Variants in CPNE4 observed in about 807,000 individuals in gnomAD.
CPNE4 encodes the protein copine 4.
Under a neutral mutation model 67.9 loss-of-function variants are expected in CPNE4, and 25 were observed. The ratio of observed to expected loss-of-function variants is 0.37; its 90% confidence interval spans 0.27 to 0.51. The LOEUF (loss-of-function observed/expected upper bound fraction) is 0.51, where lower values mean the gene tolerates loss of function less well. Ranked by LOEUF, CPNE4 falls within the 20% of genes least tolerant of loss-of-function variation. The pLI is 0.93. For synonymous variants in CPNE4, 242 were observed against 244.9 expected, an observed-to-expected ratio of 0.99 and a Z score of 0.11; for missense variants, 464 against 690.8, an observed-to-expected ratio of 0.67 and a Z score of 3.68.
At chr3:131,686,446 T>A (rs1205657565) in intron 5 of CPNE4, among the ~76,000 whole-genome samples, 1 of 152,254 alleles carries the variant, frequency 6.6e-6, no homozygotes, top group Non-Finnish European at 1.5e-5. Flanking sequence ...TAATTTTTTA[T>A]TAAATAGTAG....
At chr3:131,568,401 A>G (rs1937168352) in intron 10 of CPNE4, among the ~76,000 whole-genome samples, 1 of 152,056 alleles carries the variant, frequency 6.6e-6, no homozygotes. Context: ...AAGTTGAGAA[A>G]TAAAAGCAAG....
chr3:131,613,746 T>G (rs941177127), intron 7 of CPNE4, among the ~76,000 whole-genome samples: 10 of 152,130 alleles, frequency 6.6e-5, no homozygotes, highest in African/African-American at 2.4e-4. Flanking sequence ...ACCTCATCAC[T>G]GCTAAACAGA....
intron 1 of CPNE4, among the ~76,000 whole-genome samples, chr3:131,962,554 G>C (rs2072213955): frequency 6.6e-6 from 1 of 152,170 alleles, no homozygotes; most frequent in Admixed American, 6.5e-5. Context: ...ACTATATCTT[G>C]AATGTTCCTT....
chr3:131,952,121 T>C (rs1225009), intron 1 of CPNE4, among the ~76,000 whole-genome samples: 100,014 of 140,980 alleles, frequency 0.71, 35,112 homozygotes, highest in Admixed American at 0.81. Flanking sequence ...AAGTGAGGAG[T>C]GCCTCTTCCC....
chr3:131,536,039 C>T lies in CPNE4; in HGVS notation c.1540-710G>A, dbSNP rs150512867. ...AAGGGGTAGGGGAATGGCATTTGAC[C>T]ATCATAGGCATAGTGAGTTACCTGA... On this transcript the variant is annotated intron_variant, in intron 15 of 15. Transcript: ENST00000429747. 3.0e-4 allele frequency among the ~76,000 whole-genome samples: 46 copies of T among 152,060 alleles called. No homozygotes were observed. The East Asian group carries it at 6.9e-3, about 23-fold the overall frequency.
chr3:131,799,922 T>TGTGTGTGTG (rs1560339411), intron 2 of CPNE4, among the ~76,000 whole-genome samples: 44 of 2,464 alleles, frequency 0.018, no homozygotes, highest in African/African-American at 0.036. Context: ...GTGTGTGTTG[T>TGTGTGTGTG]GTGTGTGTGT....
chr3:131,851,484 C>G (rs1278983336), intron 2 of CPNE4, among the ~76,000 whole-genome samples: 2 of 151,958 alleles, frequency 1.3e-5, no homozygotes, highest in African/African-American at 2.4e-5. Context: ...ATCATACACA[C>G]AGAAAGGTTC....
intron 2 of CPNE4, among the ~76,000 whole-genome samples, chr3:131,849,327 G>C (rs562531607): frequency 6.6e-6 from 1 of 152,166 alleles, no homozygotes; most frequent in Non-Finnish European, 1.5e-5. Flanking sequence ...AGATTTAATT[G>C]GCTCACAGTT....
intron 15 of CPNE4, among the ~76,000 whole-genome samples, chr3:131,535,728 A>C (rs1165474815): frequency 6.6e-6 from 1 of 152,194 alleles, no homozygotes; most frequent in South Asian, 2.1e-4. Flanking sequence ...GGCATGGCCA[A>C]TATTAACTAT....
At chr3:131,764,277 G>GAA (rs11378336) in intron 2 of CPNE4, among the ~76,000 whole-genome samples, 79 of 148,746 alleles carry the variant, frequency 5.3e-4, no homozygotes, top group South Asian at 8.5e-4. Flanking sequence ...TGTTTTATAG[G>GAA]AAAAAAAAAA....
chr3:131,955,411 T>TTTTTTTTTTTGTTTTTTTTTTG (rs1491155702), intron 1 of CPNE4, among the ~76,000 whole-genome samples: 2 of 78,814 alleles, frequency 2.5e-5, no homozygotes, highest in African/African-American at 1.7e-4. Flanking sequence ...GTATGTAAGG[T>TTTTTTTTTTTGTTTTTTTTTTG]TTTTTTTTTT....
chr3:131,726,046 A>G (rs900021288), intron 2 of CPNE4, among the ~76,000 whole-genome samples: 1 of 152,234 alleles, frequency 6.6e-6, no homozygotes, highest in Non-Finnish European at 1.5e-5. Flanking sequence ...AATAACCCCA[A>G]GAAGTATGCT....
chr3:131,800,245 C>T (rs1336752232), intron 2 of CPNE4, among the ~76,000 whole-genome samples: 1 of 152,096 alleles, frequency 6.6e-6, no homozygotes, highest in African/African-American at 2.4e-5. Flanking sequence ...TGCCTGAAAA[C>T]CTTTCCTAAC....
chr3:131,956,845 A>T (rs544483165), intron 1 of CPNE4, among the ~76,000 whole-genome samples: 1 of 152,330 alleles, frequency 6.6e-6, no homozygotes, highest in East Asian at 1.9e-4. Flanking sequence ...ATGGAGAGAG[A>T]AAGAGAATTA....
intron 11 of CPNE4, among the ~76,000 whole-genome samples, chr3:131,558,183 T>C (rs538242398): frequency 6.6e-6 from 1 of 152,120 alleles, no homozygotes; most frequent in South Asian, 2.1e-4. Context: ...GGATAAATTC[T>C]CTGAACTTAG....
intron 6 of CPNE4, among the ~76,000 whole-genome samples, chr3:131,670,561 G>A (rs1370581777): frequency 6.6e-6 from 1 of 152,054 alleles, no homozygotes; most frequent in Non-Finnish European, 1.5e-5. Context: ...TGTACTTGAG[G>A]GCAGGGATTC....
At chr3:131,993,528 A>G (rs1485438097) in intron 1 of CPNE4, among the ~76,000 whole-genome samples, 2 of 128,568 alleles carry the variant, frequency 1.6e-5, no homozygotes, top group African/African-American at 2.5e-5. Flanking sequence ...ATTCACTTTC[A>G]TGACTTTGTC....
chr3:131,743,645 T>G (rs2107783359), intron 2 of CPNE4, among the ~76,000 whole-genome samples: 1 of 151,902 alleles, frequency 6.6e-6, no homozygotes. Flanking sequence ...CATCAATACA[T>G]TAAAACAGGG....
intron 2 of CPNE4, among the ~76,000 whole-genome samples, chr3:131,855,101 C>T (rs1261827518): frequency 6.6e-6 from 1 of 151,882 alleles, no homozygotes; most frequent in Non-Finnish European, 1.5e-5. Flanking sequence ...CAGTGTATTT[C>T]ACATAAGCCT....
Sources: allele counts gnomAD v4.1 joint callset (sites outside exome capture counted in the v4.1 genomes callset), GRCh38; gene constraint gnomAD v4.1.1; transcripts MANE v1.5; gene names NCBI Gene and HGNC (gene_info 2026-07-23, HGNC 2026-07-21).